The following DPYD variants were observed in gnomAD, a reference collection of about 807,000 sequenced individuals.
DPYD encodes the protein dihydropyrimidine dehydrogenase [NADP(+)].
In DPYD, 109 loss-of-function variants were observed where a neutral mutation model predicts 116.2. The ratio of observed to expected loss-of-function variants is 0.94; its 90% CI spans 0.80 to 1.10. The LOEUF (loss-of-function observed/expected upper bound fraction) is 1.10. Ranked by LOEUF, DPYD falls within the 50% of genes least tolerant of loss-of-function variation. DPYD has a pLI of 0.00. For missense variants in DPYD, 1,302 were observed against 1,254.5 expected, an observed-to-expected ratio of 1.04 and a Z score of -0.57; for synonymous variants, 440 against 432.0, an observed-to-expected ratio of 1.02 and a Z score of -0.23.
chr1:97,398,742 T>G (rs1394967891), intron 14 of DPYD, among the ~76,000 whole-genome samples: 1 of 152,242 alleles, frequency 6.6e-6, no homozygotes, highest in Non-Finnish European at 1.5e-5. Context: ...CATAAATGTC[T>G]TCTTTTGAGA....
chr1:97,435,416 T>C (rs1420009281), intron 14 of DPYD, among the ~76,000 whole-genome samples: 1 of 151,996 alleles, frequency 6.6e-6, no homozygotes. Context: ...AAAGAATTCA[T>C]TATACACATT....
chr1:97,600,471 T>C (rs543188086), intron 8 of DPYD, among the ~76,000 whole-genome samples: 1 of 152,308 alleles, frequency 6.6e-6, no homozygotes, highest in East Asian at 1.9e-4. Flanking sequence ...TTAAATCTTA[T>C]AAAATATCTT....
At chr1:97,102,924 G>A (rs953057514) in intron 20 of DPYD, among the ~76,000 whole-genome samples, 3 of 151,946 alleles carry the variant, frequency 2.0e-5, no homozygotes, top group Non-Finnish European at 1.5e-5. Flanking sequence ...AGAGAAAAAT[G>A]AAGAAAATAA....
chr1:97,527,367 A>G (rs113392769), intron 12 of DPYD, among the ~76,000 whole-genome samples: 5,941 of 152,198 alleles, frequency 0.039, 190 homozygotes, highest in African/African-American at 0.091. Context: ...GTGAGCCACC[A>G]TGCCCAGCTG....
chr1:97,740,200 C>T (rs982655888), intron 4 of DPYD, among the ~76,000 whole-genome samples, 192 bp downstream of exon 4: 2 of 152,084 alleles, frequency 1.3e-5, no homozygotes, highest in African/African-American at 4.8e-5. Flanking sequence ...AACAATGAAC[C>T]TGGATTTTCA....
At chr1:97,671,518 TAAAAG>T (rs2100896748) in intron 8 of DPYD, among the ~76,000 whole-genome samples, 1 of 152,248 alleles carries the variant, frequency 6.6e-6, no homozygotes, top group East Asian at 1.9e-4. Flanking sequence ...CAAAAAAAGA[TAAAAG>T]AGGATGCTTG....
intron 3 of DPYD, among the ~76,000 whole-genome samples, chr1:97,824,399 A>C (rs1315702424): frequency 2.0e-5 from 3 of 152,224 alleles, no homozygotes; most frequent in Non-Finnish European, 4.4e-5. Flanking sequence ...TCATATTAGC[A>C]ACACAAAAAC....
chr1:97,720,093 T>G, intron 5 of DPYD: 2 of 984,870 alleles, frequency 2.0e-6, no homozygotes, highest in Non-Finnish European at 2.4e-6. Context: ...AGAAAAGAAT[T>G]AAAACCATGT....
At chr1:97,192,103 T>A (rs546708037) in intron 20 of DPYD, among the ~76,000 whole-genome samples, 4 of 152,164 alleles carry the variant, frequency 2.6e-5, no homozygotes, top group African/African-American at 9.6e-5. Context: ...CACATTACTC[T>A]TGAAGAAGGG....
intron 18 of DPYD, among the ~76,000 whole-genome samples, chr1:97,287,239 C>T (rs111884061): frequency 2.8e-4 from 42 of 152,218 alleles, no homozygotes; most frequent in African/African-American, 9.4e-4. Context: ...CGCAGAACAG[C>T]GGATTTTCAT....
intron 20 of DPYD, among the ~76,000 whole-genome samples, chr1:97,122,974 C>A (rs547271128): frequency 6.6e-6 from 1 of 152,112 alleles, no homozygotes; most frequent in East Asian, 1.9e-4. Context: ...TATAAGGTTG[C>A]CTATACTCTC....
intron 8 of DPYD, among the ~76,000 whole-genome samples, chr1:97,660,269 G>C (rs982635592): frequency 1.3e-5 from 2 of 151,962 alleles, no homozygotes; most frequent in Non-Finnish European, 2.9e-5. Context: ...ATGCTTGAAG[G>C]GGTGATAATT....
At chr1:97,518,150 CA>C (rs1458066238) in intron 12 of DPYD, among the ~76,000 whole-genome samples, 1 of 151,582 alleles carries the variant, frequency 6.6e-6, no homozygotes, top group African/African-American at 2.4e-5. Flanking sequence ...CAAAACAAAA[CA>C]AAAACCAAAC....
At chr1:97,731,021 T>A (rs1557915743) in intron 4 of DPYD, among the ~76,000 whole-genome samples, 1 of 152,138 alleles carries the variant, frequency 6.6e-6, no homozygotes, top group Non-Finnish European at 1.5e-5. Context: ...CTCATATTAA[T>A]GTGAAATATA....
chr1:97,206,648 A>ATGTATG (rs1659629382), intron 19 of DPYD, among the ~76,000 whole-genome samples: 1 of 45,602 alleles, frequency 2.2e-5, no homozygotes, highest in African/African-American at 2.3e-4. Flanking sequence ...TTATATATAT[A>ATGTATG]TATATATATA....
At position 97,206,686 on chromosome 1, in the gene DPYD, A is replaced by G. The variant is rs1366255923; in HGVS notation, c.2443-13438T>C. Among the ~76,000 whole-genome samples the G allele has an allele frequency of 1.3e-4, 12 of 90,578 alleles. 1 individual carries two copies. The highest frequency in any genetic ancestry group is 3.5e-4 in the Admixed American group (3 of 8,554). The allele number at this position is 90,578 out of a possible 152,430, so 59.4% of individuals were successfully genotyped here. Reference sequence around the variant, plus strand: ...TATATATATATATATATATATATATATAATCTATATGCTTATAATGCATAT... The same window carrying G: ...TATATATATATATATATATATATATGTAATCTATATGCTTATAATGCATAT... On this transcript the variant is annotated intron_variant, in intron 19 of 22. Transcript: ENST00000370192.
intron 14 of DPYD, among the ~76,000 whole-genome samples, chr1:97,444,064 A>G (rs1050816317): frequency 6.6e-6 from 1 of 152,246 alleles, no homozygotes; most frequent in African/African-American, 2.4e-5. Context: ...TATTTTCAAT[A>G]GACAGCTACA....
intron 12 of DPYD, among the ~76,000 whole-genome samples, chr1:97,543,620 A>T (rs1650613377): frequency 6.6e-6 from 1 of 152,220 alleles, no homozygotes; most frequent in Non-Finnish European, 1.5e-5. Flanking sequence ...TGTGAAACAT[A>T]CTATAGACAT....
intron 13 of DPYD, among the ~76,000 whole-genome samples, chr1:97,452,545 T>C (rs1269138748): frequency 4.6e-5 from 7 of 152,100 alleles, no homozygotes; most frequent in Non-Finnish European, 8.8e-5. Context: ...TTTGGATGTA[T>C]ACCCCACCCA....
Sources: allele counts gnomAD v4.1 joint callset (sites outside exome capture counted in the v4.1 genomes callset), GRCh38; gene constraint gnomAD v4.1.1; transcripts MANE v1.5; gene names NCBI Gene and HGNC (gene_info 2026-07-23, HGNC 2026-07-21).